Variants in KAZN observed in about 807,000 individuals in gnomAD.
The protein encoded by KAZN is kazrin, periplakin interacting protein.
KAZN carries 40 observed loss-of-function variants against 87.4 expected under a neutral mutation model. That is an observed-to-expected ratio of 0.46 (90% CI 0.36 to 0.60). The LOEUF (loss-of-function observed/expected upper bound fraction) is 0.60. Among genes scored for constraint, KAZN ranks in the 20% least tolerant of loss-of-function variants. KAZN has a pLI of 0.00. For missense variants in KAZN, 898 were observed against 1,073.9 expected (o/e 0.84, Z 2.29); for synonymous variants, 466 against 458.3 (o/e 1.02, Z -0.22).
chr1:14,943,608 C>G (rs2101655606), intron 1 of KAZN, among the ~76,000 whole-genome samples: 1 of 152,322 alleles, frequency 6.6e-6, no homozygotes, highest in Admixed American at 6.5e-5. Context: ...CCAATTAATC[C>G]CTACAGCAAT....
intron 1 of KAZN, among the ~76,000 whole-genome samples, chr1:14,662,709 A>G (rs970619159): frequency 1.3e-5 from 2 of 151,102 alleles, no homozygotes; most frequent in African/African-American, 2.4e-5. Flanking sequence ...GTATGTGTGC[A>G]TGTGTATATG....
chr1:15,053,532 T>C (rs1040309982), intron 4 of KAZN, among the ~76,000 whole-genome samples: 6 of 152,202 alleles, frequency 3.9e-5, no homozygotes, highest in Non-Finnish European at 8.8e-5. Flanking sequence ...GGCCGGGTGC[T>C]GGGGACTCTG....
chr1:15,094,183 C>T lies in KAZN; in HGVS notation c.1226C>T (p.Ser409Leu), dbSNP rs371964873. The T allele has an allele frequency of 5.6e-6, 9 of 1,612,766 alleles. No homozygotes were observed. Among genetic ancestry groups the T allele is most frequent in the Admixed American group, 1.7e-5 (1 of 60,004 alleles). Reference sequence around the variant, plus strand: ...GGCCTGCACTTGTGTGTTGCAGACTCGGACAGCCAGTGCAGCCCCACGCGG... The same window carrying T: ...GGCCTGCACTTGTGTGTTGCAGACTTGGACAGCCAGTGCAGCCCCACGCGG... ...KSLDPGLFDD[S>L]DSQCSPTRQS... Residue 409 changes from serine to leucine, a missense_variant, in exon 9 of 15, where the codon TCG becomes TTG. Around this residue, in one of 3 missense-constraint regions of KAZN, gnomAD observed 521 missense variants for 689.4 expected, o/e 0.76. Coordinates refer to ENST00000376030, the MANE Select transcript of KAZN (RefSeq NM_201628.3). The surrounding 1 kb of genome is among the most constrained non-coding windows in gnomAD (Gnocchi z 4.5).
chr1:14,698,416 G>A (rs772340345), intron 1 of KAZN, among the ~76,000 whole-genome samples: 2 of 152,210 alleles, frequency 1.3e-5, no homozygotes, highest in Non-Finnish European at 2.9e-5. Context: ...GCCCTCGGCC[G>A]TGAGCCACGC....
intron 1 of KAZN, among the ~76,000 whole-genome samples, chr1:14,683,039 A>G (rs1640763948): frequency 6.6e-6 from 1 of 152,210 alleles, no homozygotes; most frequent in African/African-American, 2.4e-5. Flanking sequence ...CTTATTTGTC[A>G]TATCTGACAT....
At chr1:14,583,642 C>G (rs981404328) in intron 2 of KAZN, among the ~76,000 whole-genome samples, 1 of 152,090 alleles carries the variant, frequency 6.6e-6, no homozygotes, top group Non-Finnish European at 1.5e-5. Flanking sequence ...GGCCCCTGCT[C>G]TTGCAGCAGA....
rs1573326341 is a variant in KAZN, at chr1:15,111,331, C to T, written c.2049-1096C>T. Among the ~76,000 whole-genome samples, 4 of 151,714 alleles carry T rather than the reference C, an allele frequency of 2.6e-5. No individual in the cohort carries two copies. The East Asian group carries it at 5.8e-4, about 22-fold the overall frequency. On this transcript the variant is annotated intron_variant, in intron 13 of 14. Transcript: ENST00000376030. ...AGTCTTGTGCTGGAGTGCAGTGGTA[C>T]GATCTCGGCTCACTGCAACCTCCAC...
At chr1:14,387,432 A>G (rs1411996175) in intron 2 of KAZN, among the ~76,000 whole-genome samples, 3 of 151,848 alleles carry the variant, frequency 2.0e-5, no homozygotes, top group East Asian at 1.9e-4. Flanking sequence ...TTTTTTCCCA[A>G]TCTTTGTGGT....
intron 1 of KAZN, among the ~76,000 whole-genome samples, chr1:13,971,600 TTTTTTG>T: frequency 6.7e-6 from 1 of 149,844 alleles, no homozygotes; most frequent in East Asian, 2.2e-4. Context: ...GTGAGGTTTT[TTTTTTG>T]TTGTTGTTGT....
intron 8 of KAZN, among the ~76,000 whole-genome samples, chr1:15,082,242 A>G (rs1036808904): frequency 5.9e-5 from 9 of 152,192 alleles, no homozygotes; most frequent in African/African-American, 2.2e-4. Context: ...CAGCCACCTC[A>G]CTTGACCTCC....
chr1:14,827,867 T>C (rs1572588613), intron 1 of KAZN, among the ~76,000 whole-genome samples: 1 of 152,242 alleles, frequency 6.6e-6, no homozygotes, highest in Non-Finnish European at 1.5e-5. Flanking sequence ...ACTTGGGGTT[T>C]CACATGTTGT....
chr1:14,833,998 CACACACACACAT>C (rs1172951802), intron 1 of KAZN, among the ~76,000 whole-genome samples: 228 of 150,856 alleles, frequency 1.5e-3, no homozygotes, highest in Admixed American at 3.4e-3. Context: ...CACACACACA[CACACACACACAT>C]ACACACACAT....
At chr1:14,109,618 C>T (rs868626681) in intron 1 of KAZN, among the ~76,000 whole-genome samples, 20 of 152,144 alleles carry the variant, frequency 1.3e-4, no homozygotes, top group African/African-American at 2.2e-4. Flanking sequence ...TCTTTCTCCA[C>T]GCTCTGATAT....
intron 2 of KAZN, among the ~76,000 whole-genome samples, chr1:14,300,072 A>G (rs1654432331): frequency 6.6e-6 from 1 of 152,078 alleles, no homozygotes. Flanking sequence ...AGAGTCTCAC[A>G]AACGCAAAGG....
At chr1:14,355,844 G>C (rs1193416076) in intron 2 of KAZN, among the ~76,000 whole-genome samples, 1 of 152,082 alleles carries the variant, frequency 6.6e-6, no homozygotes, top group Non-Finnish European at 1.5e-5. Flanking sequence ...TGGGCATTTG[G>C]GTTGGCTCCA....
At chr1:14,986,809 C>T (rs574701046) in intron 2 of KAZN, among the ~76,000 whole-genome samples, 1 of 152,230 alleles carries the variant, frequency 6.6e-6, no homozygotes, top group East Asian at 1.9e-4. Context: ...GACATGGGGG[C>T]CATTGGACAC....
Position 14,756,557 on chromosome 1 carries a change from A to G in KAZN, c.226+157334A>G, listed in dbSNP as rs563492025. ...TGCCTTCCTTATCAATTGATTTCTC[A>G]TTGAAATATCCTGCAGTAAAATTCA... On this transcript the variant is annotated intron_variant, in intron 1 of 14. Coordinates refer to ENST00000376030, the MANE Select transcript of KAZN (RefSeq NM_201628.3). 1.1e-4 allele frequency among the ~76,000 whole-genome samples: 16 copies of G among 152,310 alleles called. No individual in the cohort carries two copies. The South Asian group carries it at 3.3e-3, about 32-fold the overall frequency.
Position 15,101,524 on chromosome 1 carries a change from G to A in KAZN, c.1548-19G>A. On this transcript the variant is annotated intron_variant, in intron 10 of 14. Transcript: ENST00000376030. The stretch of plus-strand genomic sequence containing the variant: ...GCCTTTCCCCACCCATCCACTCTCT[G>A]GCTATGTCTCCTCCCCAGCCTGTCC... The A allele has an allele frequency of 1.3e-6, 2 of 1,532,048 alleles. No individual in the cohort carries two copies. Among genetic ancestry groups the A allele is most frequent in the Non-Finnish European group, 1.8e-6 (2 of 1,129,542 alleles). The allele number at this position is 1,532,048 out of a possible 1,614,324, so 94.9% of individuals were successfully genotyped here. A position where few individuals can be genotyped will look rare whatever the true frequency, so the allele number is the denominator to read the frequency against.
At chr1:14,774,113 C>T (rs1645102977) in intron 1 of KAZN, among the ~76,000 whole-genome samples, 1 of 152,174 alleles carries the variant, frequency 6.6e-6, no homozygotes, top group Middle Eastern at 3.2e-3. Context: ...TAGCTCTTAC[C>T]TCTTCCCTAA....
Sources: gnomAD v4.1 joint callset for allele counts (sites outside exome capture counted in the v4.1 genomes callset) on GRCh38, gnomAD v4.1.1 for gene constraint, gnomAD v4.1.1 regional missense constraint, Gnocchi (gnomAD v3.1) non-coding constraint, MANE v1.5 for transcripts, NCBI Gene and HGNC (gene_info 2026-07-23, HGNC 2026-07-21) for gene names.